The following ECH1 variants were observed in gnomAD, a reference collection of about 807,000 sequenced individuals.
The protein encoded by ECH1 is delta(3,5)-Delta(2,4)-dienoyl-CoA isomerase, mitochondrial.
A neutral mutation model predicts 37.0 loss-of-function variants in ECH1; 30 were observed. That is an observed-to-expected ratio of 0.81 (90% CI 0.61 to 1.10). The LOEUF (loss-of-function observed/expected upper bound fraction) is 1.10. Among genes scored for constraint, ECH1 ranks in the 50% least tolerant of loss-of-function variants. The pLI is 0.00. For missense variants in ECH1, 456 were observed against 441.6 expected (o/e 1.03, Z -0.29); for synonymous variants, 178 against 176.0 (o/e 1.01, Z -0.09).
chr19:38,831,618 G>C, intron 1 of ECH1, 102 bp from the exon 2 acceptor site: 1 of 1,569,778 alleles, frequency 6.4e-7, no homozygotes, highest in East Asian at 2.3e-5. Context: ...CCTGAATTTA[G>C]GGGACTCGGG....
At chr19:38,826,426 C>A (rs1971739400) in intron 3 of ECH1, among the ~76,000 whole-genome samples, 1 of 152,236 alleles carries the variant, frequency 6.6e-6, no homozygotes. Flanking sequence ...TATTGTTAAA[C>A]ATTTAAAAGC....
chr19:38,821,608 C>A (rs902341037), intron 3 of ECH1, among the ~76,000 whole-genome samples: 1 of 152,232 alleles, frequency 6.6e-6, no homozygotes, highest in Non-Finnish European at 1.5e-5. Flanking sequence ...CCGGCGCCAC[C>A]TGCCCTGAGC....
intron 6 of ECH1, 59 bp from the exon 7 acceptor site, chr19:38,816,582 TCAA>T: frequency 1.3e-6 from 2 of 1,585,596 alleles, no homozygotes; most frequent in Non-Finnish European, 1.7e-6. Flanking sequence ...CCTCGCAATG[TCAA>T]CGTCCATGAA....
rs180998530 is a variant in ECH1, at chr19:38,816,566, T to C, written c.589-43A>G. 10 of 1,607,686 alleles carry C rather than the reference T, an allele frequency of 6.2e-6. No individual in the cohort carries two copies. In the African/African-American group the frequency reaches 8.0e-5, roughly 13 times the overall value. On this transcript the variant is annotated intron_variant, in intron 6 of 9. Coordinates refer to ENST00000221418, the MANE Select transcript of ECH1 (RefSeq NM_001398.3). ...TCAGTGTTTGGTTTCTGCCCAATAC[T>C]GTGCCCCTCGCAATGTCAACGTCCA...
intron 3 of ECH1, among the ~76,000 whole-genome samples, chr19:38,819,604 C>A (rs2145373187): frequency 6.6e-6 from 1 of 152,200 alleles, no homozygotes; most frequent in South Asian, 2.1e-4. Flanking sequence ...ATGATCAATA[C>A]AGACAACAGT....
chr19:38,824,054 G>A (rs1370013510), intron 3 of ECH1, among the ~76,000 whole-genome samples: 2 of 152,144 alleles, frequency 1.3e-5, no homozygotes, highest in Admixed American at 6.5e-5. Flanking sequence ...CTAGGATATG[G>A]GGAGCCTCAG....
rs558563893 is a variant in ECH1, at chr19:38,815,916, T to C, written c.823A>G (p.Thr275Ala). 1.2e-5 allele frequency: 19 copies of C among 1,614,198 alleles called. No homozygotes were observed. The South Asian group carries it at 2.1e-4, about 18-fold the overall frequency. Reference sequence around the variant, plus strand: ...CGGGAATACAGCAGGTTGACCTTGGTGCTCTGCACCGCCACGGGGCTCTTG... The same window carrying C: ...CGGGAATACAGCAGGTTGACCTTGGCGCTCTGCACCGCCACGGGGCTCTTG... ...SSKSPVAVQSTKVNLLYSRDH... is the reference protein window; with the variant it reads ...SSKSPVAVQSAKVNLLYSRDH... Residue 275 changes from threonine (T) to alanine (A), a missense_variant, in exon 9 of 10, where the codon ACC becomes GCC. By Grantham distance (58) the Thr-to-Ala change is moderately conservative. Coordinates refer to ENST00000221418, the MANE Select transcript of ECH1 (RefSeq NM_001398.3).
At chr19:38,824,419 G>A (rs368354689) in intron 3 of ECH1, among the ~76,000 whole-genome samples, 11 of 152,118 alleles carry the variant, frequency 7.2e-5, no homozygotes, top group South Asian at 4.1e-4. Context: ...AACCAAAACC[G>A]CGGGTGGTTT....
At position 38,831,376 on chromosome 19, in the gene ECH1, T is replaced by A; in HGVS notation, c.193A>T (p.Lys65Ter). The change falls in exon 2 of 10, where the codon AAA becomes TAA. Residue 65 changes from lysine to a stop codon, truncating the protein, a stop_gained. Coordinates refer to ENST00000221418, the MANE Select transcript of ECH1 (RefSeq NM_001398.3). LOFTEE classifies it high-confidence loss of function. ...YESLRVTSAQ[K>*]HVLHVQLNRP... Reference sequence around the variant, plus strand: ...TTGAGCTGGACATGCAGAACATGTTTCTGCGCAGACGTCACACGAAGGGAC... The same window carrying A: ...TTGAGCTGGACATGCAGAACATGTTACTGCGCAGACGTCACACGAAGGGAC... 1 of 1,614,016 alleles carries A rather than the reference T, an allele frequency of 6.2e-7. No individual in the cohort carries two copies. Among genetic ancestry groups the A allele is most frequent in the Non-Finnish European group, 8.5e-7 (1 of 1,179,992 alleles).
Position 38,830,944 on chromosome 19 carries a change from G to T in ECH1, c.349+134C>A. The T allele has an allele frequency of 4.0e-6, 3 of 750,698 alleles. No individual in the cohort carries two copies. The Middle Eastern group carries it at 1.2e-3, about 293-fold the overall frequency. The allele number at this position is 750,698 out of a possible 1,614,324, so 46.5% of individuals were successfully genotyped here. ...GCACTCCAGCGTGGCAACAGAGCAA[G>T]ACCCCGTCTCAAAAAAAAAAAAAAA... On this transcript the variant is annotated intron_variant, in intron 3 of 9. Coordinates refer to ENST00000221418, the MANE Select transcript of ECH1 (RefSeq NM_001398.3).
chr19:38,817,483 G>C lies in ECH1; in HGVS notation c.442C>G (p.Arg148Gly). 6.2e-7 allele frequency: 1 copy of C among 1,613,874 alleles called. No individual in the cohort carries two copies. The highest frequency in any genetic ancestry group is 8.5e-7 in the Non-Finnish European group (1 of 1,179,926). ...ATGACGTTGAAGGTCTCCTGGTATC[G>C]AGTGATGATGTCACGGAGGTACCAG... ...ISWYLRDIITRYQETFNVIER... is the reference protein window; with the variant it reads ...ISWYLRDIITGYQETFNVIER... The change falls in exon 4 of 10, where the codon CGA becomes GGA. Residue 148 changes from arginine (R) to glycine (G), a missense_variant. By Grantham distance (125) the Arg-to-Gly change is moderately radical. Transcript: ENST00000221418.
At chr19:38,822,721 A>G (rs961719240) in intron 3 of ECH1, among the ~76,000 whole-genome samples, 1 of 152,216 alleles carries the variant, frequency 6.6e-6, no homozygotes, top group Non-Finnish European at 1.5e-5. Context: ...CACCCTGTCA[A>G]AATGGACCAA....
intron 3 of ECH1, 147 bp from the exon 4 acceptor site, chr19:38,817,722 T>C (rs1600012705): frequency 7.0e-6 from 10 of 1,420,702 alleles, no homozygotes; most frequent in East Asian, 5.1e-5. Flanking sequence ...TGGTGAGGGA[T>C]TGATTGCATG....
chr19:38,817,251 C>T (rs1357087905), intron 5 of ECH1, 65 bp downstream of exon 5: 2 of 1,531,966 alleles, frequency 1.3e-6, no homozygotes, highest in Non-Finnish European at 8.8e-7. Context: ...ATGCCAGTGG[C>T]CGCGGCATCG....
chr19:38,816,961 G>A (rs935431878), intron 6 of ECH1, 104 bp downstream of exon 6: 20 of 1,298,984 alleles, frequency 1.5e-5, no homozygotes, highest in South Asian at 1.4e-4. Flanking sequence ...TTACTTTGTC[G>A]GGTTCAACTC....
At chr19:38,818,257 A>G in intron 3 of ECH1, 1 of 985,428 alleles carries the variant, frequency 1.0e-6, no homozygotes. Flanking sequence ...CTGCAGCGTG[A>G]GCAATGCAGT....
chr19:38,821,167 A>T (rs531040816), intron 3 of ECH1, among the ~76,000 whole-genome samples: 2 of 152,100 alleles, frequency 1.3e-5, no homozygotes, highest in African/African-American at 4.8e-5. Context: ...GGTCCCAGCT[A>T]CTTGAGGGGC....
rs769457068 is a variant in ECH1 at position 38,831,625 on chromosome 19, C to G, written c.52+96G>C. On this transcript the variant is annotated intron_variant, in intron 1 of 9. Coordinates refer to ENST00000221418, the MANE Select transcript of ECH1 (RefSeq NM_001398.3). ...CACGCACCCCTGAATTTAGGGGACT[C>G]GGGCCCTTCGTGACCCCGGATAGCC... The G allele has an allele frequency of 1.9e-6, 3 of 1,573,264 alleles. No homozygotes were observed. In the Admixed American group the frequency reaches 5.5e-5, roughly 29 times the overall value.
chr19:38,825,885 A>G (rs1971732109), intron 3 of ECH1, among the ~76,000 whole-genome samples: 1 of 152,216 alleles, frequency 6.6e-6, no homozygotes, highest in Non-Finnish European at 1.5e-5. Flanking sequence ...AGATGATCCA[A>G]CAACAGGACA....
Sources: gnomAD v4.1 joint callset for allele counts (sites outside exome capture counted in the v4.1 genomes callset) on GRCh38, gnomAD v4.1.1 for gene constraint, MANE v1.5 for transcripts, NCBI Gene and HGNC (gene_info 2026-07-23, HGNC 2026-07-21) for gene names.